RPL9: variants seen among roughly 807,000 people sequenced by gnomAD.
RPL9 encodes the protein large ribosomal subunit protein uL6.
For missense variants in RPL9, 149 were observed against 236.7 expected (o/e 0.63, Z 2.43); for synonymous variants, 82 against 77.1 (o/e 1.06, Z -0.33).
At position 39,458,166 on chromosome 4, in the gene RPL9, ACTGAATTAT is replaced by A. The variant is rs774231933; in HGVS notation, c.162+19_162+27del. The A allele has an allele frequency of 6.2e-7, 1 of 1,609,798 alleles. No individual in the cohort carries two copies. Among genetic ancestry groups the A allele is most frequent in the African/African-American group, 1.3e-5 (1 of 74,980 alleles). ...GTTATAAACCACCTTCCAACGAGCA[ACTGAATTAT>A]CAGAAGAAAAACCCTCACCCTCTTT... On this transcript the variant is annotated intron_variant, in intron 3 of 7. Coordinates refer to ENST00000295955, the MANE Select transcript of RPL9 (RefSeq NM_000661.5).
At chr4:39,454,686 C>T in intron 6 of RPL9, 37 bp from the exon 7 acceptor site, 1 of 1,556,836 alleles carries the variant, frequency 6.4e-7, no homozygotes, top group Non-Finnish European at 8.8e-7. Flanking sequence ...ATACATCAGC[C>T]TAACCCATCT....
At position 39,456,557 on chromosome 4, in the gene RPL9, C is replaced by A. The variant is rs1173385700; in HGVS notation, c.259-19G>T. ...GGAAGCCCTATGTTAAATAAATAAG[C>A]AAGCTATTAGCAATGCTGAGGAATA... is the stretch of plus-strand genomic sequence containing the variant. On this transcript the variant is annotated intron_variant, in intron 4 of 7. Coordinates refer to ENST00000295955, the MANE Select transcript of RPL9 (RefSeq NM_000661.5). The A allele has an allele frequency of 2.1e-5, 34 of 1,612,658 alleles. No individual in the cohort carries two copies. Among genetic ancestry groups the A allele is most frequent in the Non-Finnish European group, 2.9e-5 (34 of 1,179,280 alleles).
Position 39,456,479 on chromosome 4 carries a change from C to G in RPL9, c.318G>C (p.Gln106His), listed in dbSNP as rs377161055. Residue 106 changes from glutamine to histidine, a missense_variant, in exon 5 of 8, where the codon CAG becomes CAC. Coordinates refer to ENST00000295955, the MANE Select transcript of RPL9 (RefSeq NM_000661.5). ...YAHFPINVVIQENGSLVEIRN... is the reference protein window; with the variant it reads ...YAHFPINVVIHENGSLVEIRN... The stretch of plus-strand genomic sequence containing the variant: ...GGATTTCAACAAGAGACCCATTCTC[C>G]TGGATAACAACGTTGATGGGGAAGT... 10 of 1,614,000 alleles carry G rather than the reference C, an allele frequency of 6.2e-6. No homozygotes were observed. The highest frequency in any genetic ancestry group is 3.3e-5 in the South Asian group (3 of 91,096).
chr4:39,458,770 C>T (rs1328370487), intron 1 of RPL9, 121 bp downstream of exon 1: 4 of 677,898 alleles, frequency 5.9e-6, no homozygotes, highest in Non-Finnish European at 1.1e-5. Context: ...GCTCATATGG[C>T]GCTTGCCGAG....
Position 39,458,901 on chromosome 4 carries a change from A to G in RPL9, c.-12T>C, listed in dbSNP as rs1435923259. 2.1e-5 allele frequency: 15 copies of G among 705,348 alleles called. No individual in the cohort carries two copies. Among genetic ancestry groups the G allele is most frequent in the South Asian group, 4.5e-5 (3 of 67,162 alleles). 43.7% of individuals were successfully genotyped at this position (705,348 alleles called of 1,614,324 possible). On this transcript the variant is annotated 5_prime_UTR_variant, in exon 1 of 8. Coordinates refer to ENST00000295955, the MANE Select transcript of RPL9 (RefSeq NM_000661.5). ...CAGAAACATCCTTACCTCGCAGTAG[A>G]CGCAGCAAAGAAAGAACGTCTGTCG...
At chr4:39,458,736 A>T in intron 1 of RPL9, 155 bp downstream of exon 1, 1 of 656,022 alleles carries the variant, frequency 1.5e-6, no homozygotes, top group Non-Finnish European at 2.8e-6. Flanking sequence ...AGCCCACAAC[A>T]GGATTCGCAT....
At chr4:39,454,339 C>CT in intron 7 of RPL9, 114 bp from the exon 8 acceptor site, 1 of 524,074 alleles carries the variant, frequency 1.9e-6, no homozygotes, top group Non-Finnish European at 3.4e-6. Context: ...AAGACTATGA[C>CT]TTACTGATTC....
At chr4:39,455,610 A>G (rs1744056283) in intron 5 of RPL9, among the ~76,000 whole-genome samples, 1 of 152,104 alleles carries the variant, frequency 6.6e-6, no homozygotes, top group African/African-American at 2.4e-5. Context: ...AGTCTCTACA[A>G]AAAATCAAAA....
rs761909586 is a variant in RPL9, at chr4:39,458,196, T to C, written c.160A>G (p.Arg54Gly). ...ATTATCAGAAGAAAAACCCTCACCC[T>C]CTTTTTTTTCTTTCCAAGAAGGCTG... is the stretch of plus-strand genomic sequence containing the variant. ...ELSLLGKKKKRLRVDKWWGNR... is the reference protein window; with the variant it reads ...ELSLLGKKKKGLRVDKWWGNR... Residue 54 changes from arginine (R) to glycine (G), a missense_variant and splice_region_variant, in exon 3 of 8, where the codon AGG becomes GGG. Physicochemically the swap from Arg to Gly is moderately radical, Grantham distance 125. Transcript: ENST00000295955. 1.2e-6 allele frequency: 2 copies of C among 1,613,956 alleles called. No homozygotes were observed. The highest frequency in any genetic ancestry group is 1.7e-6 in the Non-Finnish European group (2 of 1,179,836).
rs372055477 is a variant in RPL9 at position 39,454,931 on chromosome 4, T to C, written c.405A>G (p.Ser135=). ...RVRMRPGVAC[S]VSQAQKDELI... ...ATTCATCTTTCTGGGCTTGAGATAC[T>C]GAACAAGCAACACCTAAAAGGGGAG... Residue 135 remains serine (S), a synonymous_variant, in exon 6 of 8, where the codon TCA becomes TCG. Transcript: ENST00000295955. 4.6e-5 allele frequency: 75 copies of C among 1,613,512 alleles called. No homozygotes were observed. The African/African-American group carries it at 8.0e-4, about 17-fold the overall frequency.
chr4:39,455,125 G>A (rs895979418), intron 5 of RPL9, 181 bp from the exon 6 acceptor site: 48 of 551,936 alleles, frequency 8.7e-5, no homozygotes, highest in Admixed American at 5.9e-4. Context: ...CGAGGCGGGC[G>A]GATCATGAGG....
intron 4 of RPL9, chr4:39,456,746 C>T (rs987013356): frequency 2.0e-5 from 11 of 549,472 alleles, no homozygotes; most frequent in Non-Finnish European, 2.9e-5. Flanking sequence ...ATTTCACTAG[C>T]TCTTATGCCC....
chr4:39,458,133 G>T, intron 3 of RPL9, 61 bp downstream of exon 3: 1 of 1,516,302 alleles, frequency 6.6e-7, no homozygotes, highest in Non-Finnish European at 9.1e-7. Context: ...GCAACCAAAT[G>T]TGATGCTGTT....
At chr4:39,458,107 T>C in intron 3 of RPL9, 87 bp downstream of exon 3, 1 of 1,333,338 alleles carries the variant, frequency 7.5e-7, no homozygotes, top group Non-Finnish European at 1.1e-6. Context: ...TGAACCTTAA[T>C]TCGAAAATTG....
At chr4:39,454,745 G>T in intron 6 of RPL9, 96 bp from the exon 7 acceptor site, 1 of 1,446,848 alleles carries the variant, frequency 6.9e-7, no homozygotes, top group Non-Finnish European at 9.4e-7. Context: ...TTCAGAATGT[G>T]ACCTTTTTAT....
At chr4:39,456,225 T>C (rs1043778127) in intron 5 of RPL9, 181 bp downstream of exon 5, 4 of 673,770 alleles carry the variant, frequency 5.9e-6, no homozygotes, top group African/African-American at 3.8e-5. Flanking sequence ...CATAATGATA[T>C]AAACCCTTAA....
chr4:39,458,671 G>A (rs1744241524), intron 1 of RPL9: 3 of 622,820 alleles, frequency 4.8e-6, no homozygotes, highest in African/African-American at 3.7e-5. Context: ...AACCCTGGAA[G>A]TCCTATGCGG....
chr4:39,458,886 C>A lies in RPL9; in HGVS notation c.-2+5G>T. The A allele has an allele frequency of 1.4e-6, 1 of 702,216 alleles. No homozygotes were observed. 43.5% of individuals were successfully genotyped at this position (702,216 alleles called of 1,614,324 possible). Reference sequence around the variant, plus strand: ...GTACCCCCACGAGCACAGAAACATCCTTACCTCGCAGTAGACGCAGCAAAG... The same window carrying A: ...GTACCCCCACGAGCACAGAAACATCATTACCTCGCAGTAGACGCAGCAAAG... On this transcript the variant is annotated splice_donor_5th_base_variant and intron_variant, in intron 1 of 7. Coordinates refer to ENST00000295955, the MANE Select transcript of RPL9 (RefSeq NM_000661.5).
At chr4:39,456,657 A>C (rs1744098753) in intron 4 of RPL9, 119 bp from the exon 5 acceptor site, 1 of 1,097,116 alleles carries the variant, frequency 9.1e-7, no homozygotes, top group Non-Finnish European at 1.3e-6. Flanking sequence ...AAGATTTTCT[A>C]ATAACTGTCA....
Sources: allele counts gnomAD v4.1 joint callset (sites outside exome capture counted in the v4.1 genomes callset), GRCh38; gene constraint gnomAD v4.1.1; transcripts MANE v1.5; gene names NCBI Gene and HGNC (gene_info 2026-07-23, HGNC 2026-07-21).